OR51B5: variants seen among roughly 807,000 people sequenced by gnomAD.
OR51B5 encodes the protein olfactory receptor 51B5.
For missense variants in OR51B5, 456 were observed against 374.6 expected (o/e 1.22, Z -1.79); for synonymous variants, 186 against 144.8 (o/e 1.28, Z -2.04).
chr11:5,412,147 A>G (rs941051340), intron 1 of OR51B5, among the ~76,000 whole-genome samples: 1 of 152,230 alleles, frequency 6.6e-6, no homozygotes, highest in East Asian at 1.9e-4. Flanking sequence ...CTCAAGGGAC[A>G]TTACACTCTG....
intron 1 of OR51B5, chr11:5,440,524 G>T: frequency 7.2e-7 from 1 of 1,382,684 alleles, no homozygotes; most frequent in Non-Finnish European, 1.0e-6. Context: ...TTGTTAACAT[G>T]TCCCAATCCT....
chr11:5,357,688 A>G (rs2133694337), intron 1 of OR51B5, among the ~76,000 whole-genome samples: 1 of 150,994 alleles, frequency 6.6e-6, no homozygotes, highest in Admixed American at 6.6e-5. Flanking sequence ...CAGAATATAC[A>G]TTCTTTTCAG....
intron 1 of OR51B5, among the ~76,000 whole-genome samples, chr11:5,475,564 G>T (rs181459525): frequency 1.3e-5 from 2 of 151,884 alleles, no homozygotes; most frequent in Non-Finnish European, 2.9e-5. Flanking sequence ...CCTGAATGAG[G>T]ATCTACTAAT....
upstream of OR51B5, among the ~76,000 whole-genome samples, chr11:5,344,800 AAAAT>A (rs1357374870): frequency 2.6e-5 from 4 of 152,240 alleles, no homozygotes; most frequent in African/African-American, 7.2e-5. Context: ...ATTAAGTTGA[AAAAT>A]AAATAAGACA....
At chr11:5,418,545 C>T (rs902851704) in intron 1 of OR51B5, among the ~76,000 whole-genome samples, 8 of 152,036 alleles carry the variant, frequency 5.3e-5, no homozygotes, top group East Asian at 3.9e-4. Flanking sequence ...AATACTACGC[C>T]GCCATGAAAA....
intron 1 of OR51B5, among the ~76,000 whole-genome samples, chr11:5,459,880 G>A (rs969674713): frequency 2.6e-5 from 4 of 152,086 alleles, no homozygotes; most frequent in Non-Finnish European, 5.9e-5. Context: ...CTACTACTGG[G>A]TATATACCCA....
At position 5,376,889 on chromosome 11, in the gene OR51B5, G is replaced by A. The variant is rs564551067; in HGVS notation, n.85-29979C>T. On this transcript the variant is annotated intron_variant and non_coding_transcript_variant, in intron 1 of 4. Coordinates refer to the OR51B5 transcript ENST00000415970. ...CAAATTCTAACAGAGGTACAAGGAGGAATTGGTACCATTCCTTCTGAAACT... is the reference window on the plus strand; with the variant it reads ...CAAATTCTAACAGAGGTACAAGGAGAAATTGGTACCATTCCTTCTGAAACT... 6.8e-4 allele frequency among the ~76,000 whole-genome samples: 100 copies of A among 147,502 alleles called. 1 individual carries two copies. Among genetic ancestry groups the A allele is most frequent in the Non-Finnish European group, 1.3e-3 (86 of 66,516 alleles).
intron 1 of OR51B5, among the ~76,000 whole-genome samples, chr11:5,450,791 C>T (rs74997252): frequency 0.016 from 2,369 of 152,274 alleles, 59 homozygotes; most frequent in African/African-American, 0.053. Flanking sequence ...CACTGTTCAA[C>T]TCCCGCTTAT....
At chr11:5,436,122 A>G (rs1850589057) in intron 1 of OR51B5, among the ~76,000 whole-genome samples, 1 of 152,212 alleles carries the variant, frequency 6.6e-6, no homozygotes, top group Admixed American at 6.5e-5. Context: ...CGCAAAAAGT[A>G]AAGGGAATTA....
At chr11:5,463,076 G>C (rs1851083379) in intron 1 of OR51B5, among the ~76,000 whole-genome samples, 1 of 152,124 alleles carries the variant, frequency 6.6e-6, no homozygotes, top group South Asian at 2.1e-4. Flanking sequence ...GGTGGGTGTG[G>C]TTTCATTCAT....
At position 5,505,307 on chromosome 11, in the gene OR51B5, C is replaced by T. The variant is rs571470564; in HGVS notation, n.84+262G>A. The T allele has an allele frequency of 4.4e-5, 57 of 1,299,708 alleles. No individual in the cohort carries two copies. In the South Asian group the frequency reaches 6.2e-4, roughly 14 times the overall value. 80.5% of individuals were successfully genotyped at this position (1,299,708 alleles called of 1,614,324 possible). A position where few individuals can be genotyped will look rare whatever the true frequency, so the allele number is the denominator to read the frequency against. ...CTTCCAAGGATGGAAATTTGGGGTT[C>T]AATGTATATCTTCCCCAGTCAGAGG... On this transcript the variant is annotated intron_variant and non_coding_transcript_variant, in intron 1 of 4. Transcript: ENST00000415970.
intron 1 of OR51B5, chr11:5,391,206 T>A (rs955852316): frequency 6.6e-6 from 1 of 152,220 alleles, no homozygotes; most frequent in African/African-American, 2.4e-5. Context: ...CATTGGCTGA[T>A]CAGCCTGTCC....
intron 1 of OR51B5, among the ~76,000 whole-genome samples, chr11:5,410,627 T>C (rs1004291090): frequency 2.0e-5 from 3 of 152,100 alleles, no homozygotes; most frequent in Admixed American, 1.3e-4. Context: ...AAAAGTTAAC[T>C]GTAAAAAAGA....
chr11:5,390,315 T>G, intron 1 of OR51B5: 1 of 1,613,634 alleles, frequency 6.2e-7, no homozygotes, highest in South Asian at 1.1e-5. Context: ...ATATACAGCA[T>G]TAAGACCAAG....
chr11:5,384,246 C>A (rs569825228), intron 1 of OR51B5, among the ~76,000 whole-genome samples: 1 of 152,238 alleles, frequency 6.6e-6, no homozygotes, highest in East Asian at 1.9e-4. Context: ...GTAATCATAG[C>A]TCACTGTAAA....
At chr11:5,356,317 T>G (rs1373638007) in intron 1 of OR51B5, among the ~76,000 whole-genome samples, 2 of 151,832 alleles carry the variant, frequency 1.3e-5, no homozygotes, top group Non-Finnish European at 2.9e-5. Flanking sequence ...GCATGAGAAC[T>G]ACATGATGAA....
chr11:5,352,353 AC>A (rs1209662290), intron 1 of OR51B5: 1 of 1,613,884 alleles, frequency 6.2e-7, no homozygotes. Context: ...TCCTTTTCCC[AC>A]CTTTTATGAA....
At chr11:5,385,781 G>A (rs553338266) in intron 1 of OR51B5, among the ~76,000 whole-genome samples, 67 of 145,330 alleles carry the variant, frequency 4.6e-4, no homozygotes, top group Middle Eastern at 7.1e-3. Context: ...ACACATATAT[G>A]TATACCCTAT....
At chr11:5,370,844 G>A (rs1426819812) in intron 1 of OR51B5, among the ~76,000 whole-genome samples, 1 of 152,204 alleles carries the variant, frequency 6.6e-6, no homozygotes, top group African/African-American at 2.4e-5. Flanking sequence ...AAGCTAGTGT[G>A]ACAAATGCGG....
Sources: allele counts gnomAD v4.1 joint callset (sites outside exome capture counted in the v4.1 genomes callset), GRCh38; gene constraint gnomAD v4.1.1; transcripts MANE v1.5; gene names NCBI Gene and HGNC (gene_info 2026-07-23, HGNC 2026-07-21).